Variants in B3GALT1 observed in about 807,000 individuals in gnomAD.
B3GALT1 encodes the protein UDP-Gal:betaGlcNAc beta 1,3-galactosyltransferase, polypeptide 1.
Under a neutral mutation model 23.2 loss-of-function variants are expected in B3GALT1, and 10 were observed. The ratio of observed to expected loss-of-function variants is 0.43; its 90% CI spans 0.27 to 0.73. The LOEUF (loss-of-function observed/expected upper bound fraction) is 0.73, where lower values mean the gene tolerates loss of function less well. Ranked by LOEUF, B3GALT1 falls within the 30% of genes least tolerant of loss-of-function variation. The pLI is 0.21. For synonymous variants in B3GALT1, 156 were observed against 141.5 expected (o/e 1.10, Z -0.73); for missense variants, 299 against 405.4 (o/e 0.74, Z 2.25).
chr2:167,312,304 A>C (rs1696643603), intron 1 of B3GALT1, among the ~76,000 whole-genome samples: 1 of 152,014 alleles, frequency 6.6e-6, no homozygotes, highest in South Asian at 2.1e-4. Flanking sequence ...AATTGAATGG[A>C]GAGAATAAAA....
At chr2:167,355,903 A>G (rs1697392987) in intron 1 of B3GALT1, among the ~76,000 whole-genome samples, 1 of 152,230 alleles carries the variant, frequency 6.6e-6, no homozygotes, top group Admixed American at 6.5e-5. Context: ...ATACTGAGTC[A>G]TTACAAGGGT....
intron 1 of B3GALT1, among the ~76,000 whole-genome samples, chr2:167,429,818 G>C (rs1355177339): frequency 6.6e-6 from 1 of 152,200 alleles, no homozygotes; most frequent in Non-Finnish European, 1.5e-5. Context: ...AAAGAACAAT[G>C]CCTGACTAAT....
chr2:167,314,498 A>C (rs764399684), intron 1 of B3GALT1, among the ~76,000 whole-genome samples: 9 of 152,178 alleles, frequency 5.9e-5, no homozygotes, highest in Non-Finnish European at 1.0e-4. Context: ...TGTACCATTC[A>C]TGGTTTTACC....
chr2:167,528,591 T>C (rs1683264628), intron 2 of B3GALT1, among the ~76,000 whole-genome samples: 1 of 152,152 alleles, frequency 6.6e-6, no homozygotes, highest in African/African-American at 2.4e-5. Context: ...TAGACAAGTC[T>C]CTTAGTCTCT....
intron 2 of B3GALT1, among the ~76,000 whole-genome samples, chr2:167,584,434 GCA>G (rs1194802536): frequency 6.6e-6 from 1 of 152,074 alleles, no homozygotes; most frequent in African/African-American, 2.4e-5. Context: ...TCTCAATTCA[GCA>G]CAGTCATACA....
At chr2:167,305,729 T>A (rs1057277830) in intron 1 of B3GALT1, among the ~76,000 whole-genome samples, 1 of 152,136 alleles carries the variant, frequency 6.6e-6, no homozygotes, top group African/African-American at 2.4e-5. Context: ...TATTGTGAAC[T>A]AATCTCATTT....
intron 1 of B3GALT1, among the ~76,000 whole-genome samples, chr2:167,364,188 GAAGAA>G (rs1697548302): frequency 7.6e-6 from 1 of 132,082 alleles, no homozygotes; most frequent in South Asian, 2.4e-4. Context: ...AAAAAAAAAG[GAAGAA>G]AAGAAAACTC....
At chr2:167,842,114 T>A (rs763263737) in intron 4 of B3GALT1, among the ~76,000 whole-genome samples, 1 of 152,218 alleles carries the variant, frequency 6.6e-6, no homozygotes, top group South Asian at 2.1e-4. Context: ...TCACCTATTA[T>A]GGTAGGGACC....
At chr2:167,616,015 T>C (rs556168520) in intron 2 of B3GALT1, among the ~76,000 whole-genome samples, 4 of 152,140 alleles carry the variant, frequency 2.6e-5, no homozygotes, top group Admixed American at 2.0e-4. Flanking sequence ...GAGTTATTCA[T>C]GGTCAGGAAG....
intron 2 of B3GALT1, among the ~76,000 whole-genome samples, chr2:167,561,880 A>G (rs951853354): frequency 6.6e-6 from 1 of 152,242 alleles, no homozygotes; most frequent in African/African-American, 2.4e-5. Context: ...CAGAGGTACA[A>G]GGAGGAACTG....
intron 2 of B3GALT1, among the ~76,000 whole-genome samples, chr2:167,543,852 T>C (rs1000753274): frequency 2.0e-5 from 3 of 152,210 alleles, no homozygotes; most frequent in Non-Finnish European, 4.4e-5. Flanking sequence ...ATCAGACATA[T>C]ACTGGCTGTA....
rs77078089 is a variant in B3GALT1 at position 167,546,550 on chromosome 2, C to T, written c.-410+56273C>T. Reference sequence around the variant, plus strand: ...GACATTGTGGGTACTTAGATCTCACCCCCCACCCCAACTCCCAGCCAAGGA... The same window carrying T: ...GACATTGTGGGTACTTAGATCTCACTCCCCACCCCAACTCCCAGCCAAGGA... On this transcript the variant is annotated intron_variant, in intron 2 of 4. Coordinates refer to ENST00000392690, the MANE Select transcript of B3GALT1 (RefSeq NM_020981.4). Among the ~76,000 whole-genome samples the T allele has an allele frequency of 3.0e-3, 458 of 152,062 alleles. 15 individuals carry two copies. The East Asian group carries it at 0.068, about 22-fold the overall frequency.
At chr2:167,806,229 C>A (rs564602604) in intron 3 of B3GALT1, among the ~76,000 whole-genome samples, 3 of 152,260 alleles carry the variant, frequency 2.0e-5, no homozygotes, top group Admixed American at 6.5e-5. Flanking sequence ...AGATTTTGGG[C>A]TGAGATGATG....
At chr2:167,699,882 T>A (rs908277325) in intron 3 of B3GALT1, among the ~76,000 whole-genome samples, 3 of 152,052 alleles carry the variant, frequency 2.0e-5, no homozygotes, top group Non-Finnish European at 4.4e-5. Flanking sequence ...CTGGCTAATT[T>A]TTGCATTTTT....
intron 1 of B3GALT1, among the ~76,000 whole-genome samples, chr2:167,411,782 A>G (rs1361406509): frequency 6.6e-6 from 1 of 152,246 alleles, no homozygotes; most frequent in Non-Finnish European, 1.5e-5. Flanking sequence ...TTGTAGCACT[A>G]TTCACTGAAA....
chr2:167,561,124 CAA>C (rs767128376), intron 2 of B3GALT1, among the ~76,000 whole-genome samples: 12 of 152,198 alleles, frequency 7.9e-5, no homozygotes, highest in Non-Finnish European at 1.6e-4. Flanking sequence ...ACAGTGCTAT[CAA>C]ACTAGAGCTC....
At chr2:167,428,869 A>G (rs1698662576) in intron 1 of B3GALT1, among the ~76,000 whole-genome samples, 1 of 152,210 alleles carries the variant, frequency 6.6e-6, no homozygotes, top group African/African-American at 2.4e-5. Context: ...AGAGGCCAAA[A>G]TAATCTGATG....
intron 3 of B3GALT1, among the ~76,000 whole-genome samples, chr2:167,788,881 AG>A (rs1421698597): frequency 6.6e-6 from 1 of 152,180 alleles, no homozygotes; most frequent in African/African-American, 2.4e-5. Flanking sequence ...TAGTGTCAGA[AG>A]AATTAATCAT....
At chr2:167,742,600 G>A (rs1201825821) in intron 3 of B3GALT1, among the ~76,000 whole-genome samples, 1 of 152,140 alleles carries the variant, frequency 6.6e-6, no homozygotes, top group African/African-American at 2.4e-5. Flanking sequence ...CTACGTAGCA[G>A]AAAGAAGTTG....
Sources: gnomAD v4.1 joint callset for allele counts (sites outside exome capture counted in the v4.1 genomes callset) on GRCh38, gnomAD v4.1.1 for gene constraint, MANE v1.5 for transcripts, NCBI Gene and HGNC (gene_info 2026-07-23, HGNC 2026-07-21) for gene names.